BMPR1B: variants seen among roughly 807,000 people sequenced by gnomAD.
The protein encoded by BMPR1B is bone morphogenetic protein receptor type 1B.
BMPR1B carries 12 observed loss-of-function variants against 59.1 expected under a neutral mutation model. The ratio of observed to expected loss-of-function variants is 0.20; its 90% CI spans 0.13 to 0.33. The LOEUF (loss-of-function observed/expected upper bound fraction) is 0.33. BMPR1B is among the 10% of genes least tolerant of loss of function. BMPR1B has a pLI of 1.00. For missense variants in BMPR1B, 550 were observed against 610.9 expected (o/e 0.90, Z 1.05); for synonymous variants, 237 against 207.3 (o/e 1.14, Z -1.23).
At chr4:94,964,908 C>T (rs1338228746) in intron 2 of BMPR1B, among the ~76,000 whole-genome samples, 1 of 152,132 alleles carries the variant, frequency 6.6e-6, no homozygotes, top group East Asian at 1.9e-4. Flanking sequence ...TTGGTCTTCA[C>T]ACAAATGGTA....
chr4:94,763,303 A>G (rs538422261), intron 1 of BMPR1B, among the ~76,000 whole-genome samples: 4 of 152,216 alleles, frequency 2.6e-5, no homozygotes, highest in Non-Finnish European at 5.9e-5. Context: ...TTCATTATAA[A>G]GTCTGCATTG....
At chr4:94,819,948 A>G (rs1343301261) in intron 1 of BMPR1B, among the ~76,000 whole-genome samples, 12 of 152,224 alleles carry the variant, frequency 7.9e-5, no homozygotes, top group African/African-American at 2.7e-4. Context: ...AACAGCTCCT[A>G]AAACAGTCTG....
chr4:94,839,065 C>A (rs1397602253), intron 1 of BMPR1B, among the ~76,000 whole-genome samples: 1 of 112,916 alleles, frequency 8.9e-6, no homozygotes, highest in African/African-American at 3.6e-5. Flanking sequence ...TGTAGTTGAG[C>A]GGTTTTGAGT....
chr4:95,115,739 G>C lies in BMPR1B; in HGVS notation c.301G>C (p.Glu101Gln). The change falls in exon 6 of 13, where the codon GAA becomes CAA. Residue 101 changes from glutamate to glutamine, a missense_variant. Transcript: ENST00000515059. ...RSIECCTERN[E>Q]CNKDLHPTLP... ...AATTGAATGCTGCACAGAAAGGAAC[G>C]AATGTAATAAAGACCTACACCCTAC... 6.2e-7 allele frequency: 1 copy of C among 1,613,760 alleles called. No individual in the cohort carries two copies. The highest frequency in any genetic ancestry group is 8.5e-7 in the Non-Finnish European group (1 of 1,179,832).
chr4:95,070,661 C>A (rs1728211127), intron 3 of BMPR1B, among the ~76,000 whole-genome samples: 1 of 151,872 alleles, frequency 6.6e-6, no homozygotes, highest in African/African-American at 2.4e-5. Flanking sequence ...GTCTAGTGGC[C>A]TTACAAAAAA....
At chr4:95,084,558 A>G (rs572469439) in intron 3 of BMPR1B, among the ~76,000 whole-genome samples, 23 of 152,198 alleles carry the variant, frequency 1.5e-4, no homozygotes, top group Non-Finnish European at 2.9e-4. Flanking sequence ...GTTTTGGAAT[A>G]TTTTGAAGTT....
At chr4:95,118,954 C>G (rs1326019699) in intron 6 of BMPR1B, among the ~76,000 whole-genome samples, 1 of 152,190 alleles carries the variant, frequency 6.6e-6, no homozygotes, top group Non-Finnish European at 1.5e-5. Context: ...CTTGATCCTT[C>G]TGGTCTCATT....
intron 1 of BMPR1B, among the ~76,000 whole-genome samples, chr4:94,843,681 T>C (rs957653470): frequency 3.9e-5 from 6 of 152,178 alleles, no homozygotes; most frequent in African/African-American, 1.4e-4. Context: ...ATTTGAACTT[T>C]AAAAGGTTTT....
In BMPR1B at chr4:94,791,593, T is replaced by G. The variant is rs78306845; in HGVS notation, c.-183+33525T>G. On this transcript the variant is annotated intron_variant, in intron 1 of 12. Coordinates refer to ENST00000515059, the MANE Select transcript of BMPR1B (RefSeq NM_001203.3). ...TACTTGACTATTTTTTAAAATTTAC[T>G]TAAAATATGGATTGATACTCAGGCA... Among the ~76,000 whole-genome samples the G allele has an allele frequency of 8.2e-3, 1,246 of 152,290 alleles. 14 individuals are homozygous for G. The highest frequency in any genetic ancestry group is 0.029 in the African/African-American group (1,201 of 41,560).
intron 2 of BMPR1B, among the ~76,000 whole-genome samples, chr4:94,930,263 G>A (rs1406891799): frequency 6.6e-6 from 1 of 152,052 alleles, no homozygotes; most frequent in East Asian, 1.9e-4. Context: ...TGAGACCCTT[G>A]AATATATGGC....
At chr4:95,110,632 G>A (rs1731562075) in intron 4 of BMPR1B, among the ~76,000 whole-genome samples, 1 of 152,130 alleles carries the variant, frequency 6.6e-6, no homozygotes, top group African/African-American at 2.4e-5. Context: ...ACCACACTCA[G>A]CATTCTTCTT....
intron 2 of BMPR1B, among the ~76,000 whole-genome samples, chr4:94,897,137 A>G (rs1727617691): frequency 6.6e-6 from 1 of 151,928 alleles, no homozygotes; most frequent in South Asian, 2.1e-4. Context: ...CCTGCTCTCC[A>G]TGACAAGGTC....
chr4:95,152,047 T>C (rs1735084002), intron 11 of BMPR1B, among the ~76,000 whole-genome samples: 1 of 152,180 alleles, frequency 6.6e-6, no homozygotes. Flanking sequence ...ATGTATTCCT[T>C]ACTGAAAATT....
intron 3 of BMPR1B, among the ~76,000 whole-genome samples, chr4:95,033,876 A>G (rs1406300555): frequency 6.6e-6 from 1 of 152,190 alleles, no homozygotes; most frequent in African/African-American, 2.4e-5. Context: ...TGTAACATAT[A>G]GTGAGGAAGA....
intron 1 of BMPR1B, among the ~76,000 whole-genome samples, chr4:94,810,561 A>G (rs1294199067): frequency 6.6e-6 from 1 of 152,228 alleles, no homozygotes; most frequent in Non-Finnish European, 1.5e-5. Flanking sequence ...GCTTACATGA[A>G]ACATTTCATC....
intron 12 of BMPR1B, 148 bp from the exon 13 acceptor site, chr4:95,154,400 A>T (rs1321525931): frequency 4.5e-6 from 5 of 1,117,940 alleles, no homozygotes; most frequent in Non-Finnish European, 6.3e-6. Flanking sequence ...TTTGCATGAA[A>T]AAAGCTTACA....
chr4:95,051,706 T>G (rs1347515498), intron 3 of BMPR1B: 18 of 1,535,498 alleles, frequency 1.2e-5, no homozygotes, highest in Non-Finnish European at 1.6e-5. Context: ...TGCAATGGGT[T>G]GGCTGGAAGA....
At chr4:95,121,565 AT>A (rs1388969817) in intron 6 of BMPR1B, among the ~76,000 whole-genome samples, 1 of 152,234 alleles carries the variant, frequency 6.6e-6, no homozygotes, top group East Asian at 1.9e-4. Context: ...CAAATAAAAA[AT>A]TTGAATGCAA....
At chr4:94,779,071 G>A (rs1402068803) in intron 1 of BMPR1B, among the ~76,000 whole-genome samples, 1 of 151,850 alleles carries the variant, frequency 6.6e-6, no homozygotes, top group Non-Finnish European at 1.5e-5. Flanking sequence ...TATAATTTTT[G>A]TGCCTTGTTT....
Sources: gnomAD v4.1 joint callset for allele counts (sites outside exome capture counted in the v4.1 genomes callset) on GRCh38, gnomAD v4.1.1 for gene constraint, MANE v1.5 for transcripts, NCBI Gene and HGNC (gene_info 2026-07-23, HGNC 2026-07-21) for gene names.